The following PCDH15 variants were observed in gnomAD, a reference collection of about 807,000 sequenced individuals.
PCDH15 encodes protocadherin-15.
PCDH15 carries 129 observed loss-of-function variants against 178.5 expected under a neutral mutation model. The observed-to-expected ratio is 0.72, with a 90% CI of 0.63 to 0.84. The LOEUF (loss-of-function observed/expected upper bound fraction) is 0.84, where lower values mean the gene tolerates loss of function less well. Among genes scored for constraint, PCDH15 ranks in the 40% least tolerant of loss-of-function variants. PCDH15 has a pLI of 0.00. For synonymous variants in PCDH15, 800 were observed against 732.0 expected (o/e 1.09, Z -1.50); for missense variants, 2,230 against 2,099.9 (o/e 1.06, Z -1.21).
intron 3 of PCDH15, among the ~76,000 whole-genome samples, chr10:54,467,203 G>A (rs925868161): frequency 7.2e-5 from 11 of 151,884 alleles, no homozygotes; most frequent in African/African-American, 2.4e-4. Flanking sequence ...ATGAACTGCA[G>A]TTGGGAAAGT....
chr10:55,352,504 A>G (rs1259068700), intron 2 of PCDH15, among the ~76,000 whole-genome samples: 1 of 152,148 alleles, frequency 6.6e-6, no homozygotes, highest in African/African-American at 2.4e-5. Flanking sequence ...GAGCAGTTGA[A>G]AGCAATCATC....
intron 15 of PCDH15, among the ~76,000 whole-genome samples, chr10:54,107,996 A>G (rs2094947643): frequency 6.6e-6 from 1 of 151,874 alleles, no homozygotes; most frequent in African/African-American, 2.4e-5. Flanking sequence ...ATTTGTGTAG[A>G]CTCTCATATG....
Position 54,137,966 on chromosome 10 carries a change from T to A in PCDH15, c.1785-4959A>T, listed in dbSNP as rs569939108. 1.7e-3 allele frequency among the ~76,000 whole-genome samples: 259 copies of A among 152,176 alleles called. 1 individual carries two copies. The highest frequency in any genetic ancestry group is 3.0e-3 in the Non-Finnish European group (203 of 68,000). The stretch of plus-strand genomic sequence containing the variant: ...AATTTTCACTGGAGGTGTTTTGGTT[T>A]TTTTCTGGCCCCACAGCAGCTACCC... On this transcript the variant is annotated intron_variant, in intron 14 of 37. Transcript: ENST00000644397.
At chr10:55,109,107 A>G (rs1455940246) in intron 2 of PCDH15, among the ~76,000 whole-genome samples, 1 of 152,188 alleles carries the variant, frequency 6.6e-6, no homozygotes, top group African/African-American at 2.4e-5. Context: ...ACACTCACCC[A>G]ACTTTATGCC....
chr10:53,822,161 G>C (rs111033445), intron 32 of PCDH15: 1 of 1,613,934 alleles, frequency 6.2e-7, no homozygotes, highest in Admixed American at 1.7e-5. Flanking sequence ...TAATTTTCTC[G>C]GCAGGCATCA....
At chr10:55,345,680 A>C (rs1261147333) in intron 2 of PCDH15, among the ~76,000 whole-genome samples, 7 of 103,320 alleles carry the variant, frequency 6.8e-5, no homozygotes, top group Non-Finnish European at 1.0e-4. Flanking sequence ...GTTGTGTGAT[A>C]CTTTTTACTC....
At chr10:54,064,048 G>A (rs2094087749) in intron 18 of PCDH15, among the ~76,000 whole-genome samples, 1 of 152,304 alleles carries the variant, frequency 6.6e-6, no homozygotes, top group South Asian at 2.1e-4. Context: ...CCACATCCAG[G>A]AAGAATGAGG....
At chr10:54,161,823 C>A (rs2133449556) in intron 13 of PCDH15, among the ~76,000 whole-genome samples, 1 of 152,180 alleles carries the variant, frequency 6.6e-6, no homozygotes, top group South Asian at 2.1e-4. Flanking sequence ...AGTATTTTTT[C>A]CCTGCTATAT....
Position 53,846,554 on chromosome 10 carries a change from A to T in PCDH15, c.3807-6058T>A, listed in dbSNP as rs552163800. On this transcript the variant is annotated intron_variant, in intron 28 of 37. Transcript: ENST00000644397. ...TGATTTTTTTTCCTATGCAGATAGCATTATTTTAAAATCACAAACTAAGGG... is the reference window on the plus strand; with the variant it reads ...TGATTTTTTTTCCTATGCAGATAGCTTTATTTTAAAATCACAAACTAAGGG... Among the ~76,000 whole-genome samples the T allele has an allele frequency of 9.2e-5, 14 of 152,062 alleles. No individual in the cohort carries two copies. In the South Asian group the frequency reaches 2.9e-3, roughly 31 times the overall value.
chr10:54,863,383 A>C (rs187332844), intron 3 of PCDH15, among the ~76,000 whole-genome samples: 1 of 152,158 alleles, frequency 6.6e-6, no homozygotes, highest in African/African-American at 2.4e-5. Flanking sequence ...TCTACTAAAA[A>C]TACAAAAAAT....
chr10:54,873,696 TA>T (rs1564591106), intron 3 of PCDH15, among the ~76,000 whole-genome samples: 51 of 40,924 alleles, frequency 1.2e-3, no homozygotes, highest in African/African-American at 5.0e-3. Flanking sequence ...TGCTGTATTT[TA>T]TATATATATA....
At chr10:54,115,572 T>A (rs2095099137) in intron 15 of PCDH15, among the ~76,000 whole-genome samples, 1 of 152,200 alleles carries the variant, frequency 6.6e-6, no homozygotes, top group African/African-American at 2.4e-5. Context: ...GATGCAGACA[T>A]ATAAACAGCC....
At chr10:55,135,406 A>G (rs1192503495) in intron 2 of PCDH15, among the ~76,000 whole-genome samples, 1 of 151,856 alleles carries the variant, frequency 6.6e-6, no homozygotes, top group Non-Finnish European at 1.5e-5. Context: ...AAGCCCCAAC[A>G]CACATACAGA....
intron 17 of PCDH15, among the ~76,000 whole-genome samples, chr10:54,068,142 T>C (rs894893552): frequency 6.6e-6 from 1 of 152,194 alleles, no homozygotes; most frequent in East Asian, 1.9e-4. Context: ...ATTTAGGTGA[T>C]CTGCCCTTAT....
intron 25 of PCDH15, among the ~76,000 whole-genome samples, 192 bp from the exon 26 acceptor site, chr10:53,903,562 G>C (rs2082471820): frequency 6.6e-6 from 1 of 152,064 alleles, no homozygotes; most frequent in Non-Finnish European, 1.5e-5. Context: ...AAAATGTTAA[G>C]TTGCTGTTAT....
At chr10:55,597,033 T>G (rs1245752273) in intron 2 of PCDH15, 1 of 152,184 alleles carries the variant, frequency 6.6e-6, no homozygotes, top group Non-Finnish European at 1.5e-5. Context: ...AATGTACTAG[T>G]GACTATCACC....
At position 55,601,948 on chromosome 10, in the gene PCDH15, G is replaced by A. The variant is rs189130325; in HGVS notation, c.-156+25677C>T. Among the ~76,000 whole-genome samples the A allele has an allele frequency of 2.1e-3, 326 of 152,160 alleles. 4 individuals carry two copies. The highest frequency in any genetic ancestry group is 6.7e-3 in the African/African-American group (278 of 41,528). On this transcript the variant is annotated intron_variant, in intron 2 of 5. Coordinates refer to the PCDH15 transcript ENST00000613346. ...TCCCAGCGTGAGCGACGCAGAAGAC[G>A]GGTGATTTCTGCATTTCCATCTGAG...
intron 2 of PCDH15, among the ~76,000 whole-genome samples, chr10:54,977,150 T>C (rs1411085697): frequency 1.3e-5 from 2 of 152,160 alleles, no homozygotes; most frequent in Admixed American, 6.6e-5. Context: ...GATGAAAGTG[T>C]CAGAGGCTTT....
chr10:54,446,872 A>T (rs2076171003), intron 3 of PCDH15, among the ~76,000 whole-genome samples: 1 of 151,566 alleles, frequency 6.6e-6, no homozygotes, highest in East Asian at 1.9e-4. Flanking sequence ...GATAACTTCA[A>T]GGTAACAAAA....
Sources: gnomAD v4.1 joint callset for allele counts (sites outside exome capture counted in the v4.1 genomes callset) on GRCh38, gnomAD v4.1.1 for gene constraint, MANE v1.5 for transcripts, NCBI Gene and HGNC (gene_info 2026-07-23, HGNC 2026-07-21) for gene names.